Variants in CDKAL1 observed in about 807,000 individuals in gnomAD.
CDKAL1 encodes the protein threonylcarbamoyladenosine tRNA methylthiotransferase.
In CDKAL1, 32 loss-of-function variants were observed where a neutral mutation model predicts 68.2. The ratio of observed to expected loss-of-function variants is 0.47; its 90% CI spans 0.35 to 0.63. The LOEUF (loss-of-function observed/expected upper bound fraction) is 0.63, where lower values mean the gene tolerates loss of function less well. Among genes scored for constraint, CDKAL1 ranks in the 30% least tolerant of loss-of-function variants. The pLI is 0.00. For missense variants in CDKAL1, 606 were observed against 696.7 expected (o/e 0.87, Z 1.47); for synonymous variants, 234 against 244.3 (o/e 0.96, Z 0.39).
chr6:20,580,165 T>G (rs1206390565), intron 4 of CDKAL1, among the ~76,000 whole-genome samples: 1 of 152,182 alleles, frequency 6.6e-6, no homozygotes, highest in Non-Finnish European at 1.5e-5. Flanking sequence ...GAGGTCCTGG[T>G]ACTCAGATTG....
At chr6:20,599,639 T>C (rs2127710732) in intron 4 of CDKAL1, among the ~76,000 whole-genome samples, 1 of 152,324 alleles carries the variant, frequency 6.6e-6, no homozygotes. Flanking sequence ...GTTTACAGTG[T>C]ATACCAAATA....
intron 13 of CDKAL1, among the ~76,000 whole-genome samples, chr6:21,172,494 A>G (rs1777429095): frequency 6.6e-6 from 1 of 152,226 alleles, no homozygotes; most frequent in African/African-American, 2.4e-5. Context: ...TCACGCCTGT[A>G]ATCCCAACAC....
At chr6:20,987,127 G>A (rs1319031149) in intron 10 of CDKAL1, among the ~76,000 whole-genome samples, 1 of 152,162 alleles carries the variant, frequency 6.6e-6, no homozygotes, top group Admixed American at 6.5e-5. Flanking sequence ...TTATGTTTGT[G>A]TTTGGGGTTA....
intron 13 of CDKAL1, among the ~76,000 whole-genome samples, chr6:21,108,827 C>G (rs975358318): frequency 6.6e-6 from 1 of 152,158 alleles, no homozygotes; most frequent in Non-Finnish European, 1.5e-5. Context: ...GACTGCAAAA[C>G]TTGATTCTTC....
At chr6:20,949,735 G>C (rs779743635) in intron 9 of CDKAL1, among the ~76,000 whole-genome samples, 4 of 151,708 alleles carry the variant, frequency 2.6e-5, no homozygotes, top group Non-Finnish European at 5.9e-5. Flanking sequence ...TGTACAAGAG[G>C]GTTGGAGGCA....
intron 4 of CDKAL1, among the ~76,000 whole-genome samples, chr6:20,611,743 G>A (rs535818977): frequency 1.3e-5 from 2 of 152,162 alleles, no homozygotes; most frequent in South Asian, 4.2e-4. Flanking sequence ...CTGTGTACTG[G>A]GAACATGTCA....
chr6:20,564,373 C>T (rs1190202683), intron 4 of CDKAL1, among the ~76,000 whole-genome samples: 1 of 152,110 alleles, frequency 6.6e-6, no homozygotes, highest in Non-Finnish European at 1.5e-5. Flanking sequence ...CCTAAATATA[C>T]CAAAAGATGG....
In CDKAL1 at chr6:20,626,772, T is replaced by A. The variant is rs576661942; in HGVS notation, c.287-22521T>A. Among the ~76,000 whole-genome samples the A allele has an allele frequency of 2.0e-5, 3 of 152,306 alleles. No homozygotes were observed. The East Asian group carries it at 5.8e-4, about 29-fold the overall frequency. On this transcript the variant is annotated intron_variant, in intron 4 of 15. Coordinates refer to ENST00000274695, the MANE Select transcript of CDKAL1 (RefSeq NM_017774.3). Reference sequence around the variant, plus strand: ...AAGATGGCTGCTTCTGCTGTAGGCATCACCTTTCTGTTTGAAGCACCAGGA... The same window carrying A: ...AAGATGGCTGCTTCTGCTGTAGGCAACACCTTTCTGTTTGAAGCACCAGGA...
At chr6:21,108,200 T>C (rs1339458381) in intron 12 of CDKAL1, among the ~76,000 whole-genome samples, 1 of 151,636 alleles carries the variant, frequency 6.6e-6, no homozygotes, top group Non-Finnish European at 1.5e-5. Flanking sequence ...TCTGTGATAA[T>C]GACCCACATA....
At chr6:20,937,679 G>A (rs1278713085) in intron 9 of CDKAL1, among the ~76,000 whole-genome samples, 1 of 152,094 alleles carries the variant, frequency 6.6e-6, no homozygotes, top group African/African-American at 2.4e-5. Flanking sequence ...CTCACTTTAA[G>A]TTTGTCTGGT....
chr6:20,912,028 T>C (rs555384203), intron 9 of CDKAL1, among the ~76,000 whole-genome samples: 5 of 152,324 alleles, frequency 3.3e-5, no homozygotes, highest in South Asian at 2.1e-4. Flanking sequence ...GACCACCCAA[T>C]AGTTTGCTAG....
chr6:20,598,664 T>C (rs556753120), intron 4 of CDKAL1, among the ~76,000 whole-genome samples: 4 of 152,220 alleles, frequency 2.6e-5, no homozygotes, highest in Non-Finnish European at 4.4e-5. Flanking sequence ...GTAGCTAATT[T>C]TATCAGCTCT....
At chr6:20,683,248 A>G (rs1490067103) in intron 5 of CDKAL1, among the ~76,000 whole-genome samples, 2 of 152,212 alleles carry the variant, frequency 1.3e-5, no homozygotes, top group Non-Finnish European at 2.9e-5. Flanking sequence ...TATAGCTAGG[A>G]AGTTAACATA....
At chr6:20,881,719 C>A (rs1271495878) in intron 9 of CDKAL1, among the ~76,000 whole-genome samples, 2 of 152,056 alleles carry the variant, frequency 1.3e-5, no homozygotes, top group African/African-American at 2.4e-5. Context: ...GCTTTTCTTT[C>A]TCTTCCTTTT....
At chr6:20,769,069 G>T (rs1424248241) in intron 7 of CDKAL1, among the ~76,000 whole-genome samples, 1 of 152,030 alleles carries the variant, frequency 6.6e-6, no homozygotes, top group Non-Finnish European at 1.5e-5. Context: ...TCTCTGACAT[G>T]GTCCCTGAAC....
intron 11 of CDKAL1, among the ~76,000 whole-genome samples, chr6:21,001,134 T>C (rs1226359841): frequency 6.6e-6 from 1 of 152,218 alleles, no homozygotes; most frequent in African/African-American, 2.4e-5. Flanking sequence ...TGGGGATATG[T>C]CATTTGTCTT....
intron 15 of CDKAL1, among the ~76,000 whole-genome samples, chr6:21,201,792 T>C (rs1188064855): frequency 1.3e-5 from 2 of 152,176 alleles, no homozygotes; most frequent in African/African-American, 4.8e-5. Flanking sequence ...TATAAAAAAG[T>C]AACCTGACCC....
At chr6:20,971,155 C>T (rs1261966641) in intron 10 of CDKAL1, among the ~76,000 whole-genome samples, 1 of 152,208 alleles carries the variant, frequency 6.6e-6, no homozygotes, top group East Asian at 1.9e-4. Context: ...GCCTCTCTCC[C>T]TGTTAAAAAC....
chr6:20,821,692 T>A (rs1777286113), intron 8 of CDKAL1, among the ~76,000 whole-genome samples: 1 of 152,076 alleles, frequency 6.6e-6, no homozygotes, highest in Non-Finnish European at 1.5e-5. Context: ...ATGTATGGCT[T>A]AAGTGCTGAT....
Sources: allele counts gnomAD v4.1 joint callset (sites outside exome capture counted in the v4.1 genomes callset), GRCh38; gene constraint gnomAD v4.1.1; transcripts MANE v1.5; gene names NCBI Gene and HGNC (gene_info 2026-07-23, HGNC 2026-07-21).